The following DGAT2 variants were observed in gnomAD, a reference collection of about 807,000 sequenced individuals.
The protein encoded by DGAT2 is diacylglycerol O-acyltransferase 2.
DGAT2 carries 33 observed loss-of-function variants against 48.4 expected under a neutral mutation model. That is an observed-to-expected ratio of 0.68 (90% CI 0.52 to 0.91). DGAT2 has a LOEUF of 0.91. Ranked by LOEUF, DGAT2 falls within the 40% of genes least tolerant of loss-of-function variation. The pLI is 0.00. For synonymous variants in DGAT2, 191 were observed against 194.1 expected (o/e 0.98, Z 0.13); for missense variants, 446 against 493.7 (o/e 0.90, Z 0.92).
At chr11:75,778,760 G>A (rs1944828820) in intron 1 of DGAT2, among the ~76,000 whole-genome samples, 1 of 150,644 alleles carries the variant, frequency 6.6e-6, no homozygotes, top group Non-Finnish European at 1.5e-5. Flanking sequence ...AGTGAACCCT[G>A]GAGGCGGAGG....
chr11:75,788,959 TA>T (rs1431963657), intron 2 of DGAT2, among the ~76,000 whole-genome samples: 1 of 152,032 alleles, frequency 6.6e-6, no homozygotes, highest in Admixed American at 6.6e-5. Flanking sequence ...AAAGGTTGGG[TA>T]AAAAATGGAA....
At chr11:75,788,055 T>C (rs1265965797) in intron 2 of DGAT2, among the ~76,000 whole-genome samples, 6 of 152,154 alleles carry the variant, frequency 3.9e-5, no homozygotes, top group Non-Finnish European at 5.9e-5. Context: ...GGCCTGGAGC[T>C]CAGCCCCCTC....
At chr11:75,797,362 C>A in intron 6 of DGAT2, 30 bp downstream of exon 6, 1 of 1,411,032 alleles carries the variant, frequency 7.1e-7, no homozygotes, top group Middle Eastern at 2.3e-4. Context: ...CACACACACC[C>A]CTCCAGTGCC....
At chr11:75,778,374 A>G (rs1311247721) in intron 1 of DGAT2, among the ~76,000 whole-genome samples, 1 of 151,260 alleles carries the variant, frequency 6.6e-6, no homozygotes, top group Non-Finnish European at 1.5e-5. Context: ...CGCTACCATC[A>G]CTCTGCGACC....
intron 1 of DGAT2, among the ~76,000 whole-genome samples, chr11:75,781,365 A>G (rs889568068): frequency 3.9e-5 from 6 of 151,940 alleles, no homozygotes; most frequent in African/African-American, 1.5e-4. Context: ...GCCTCTGCCT[A>G]GAATATTTCT....
At chr11:75,772,420 G>A (rs1806427624) in intron 1 of DGAT2, among the ~76,000 whole-genome samples, 1 of 152,108 alleles carries the variant, frequency 6.6e-6, no homozygotes, top group African/African-American at 2.4e-5. Context: ...GACGCATGGT[G>A]GTCTTCCTGT....
At chr11:75,797,750 C>T (rs765488863) in intron 6 of DGAT2, among the ~76,000 whole-genome samples, 1 of 152,080 alleles carries the variant, frequency 6.6e-6, no homozygotes, top group Non-Finnish European at 1.5e-5. Flanking sequence ...GCAGGCTCAG[C>T]CCTGGGCCAG....
chr11:75,783,783 C>T (rs1446365934), intron 1 of DGAT2, among the ~76,000 whole-genome samples: 1 of 152,146 alleles, frequency 6.6e-6, no homozygotes, highest in Non-Finnish European at 1.5e-5. Flanking sequence ...CCCTACTGCC[C>T]ATCAGCTGCT....
intron 1 of DGAT2, chr11:75,773,886 G>C (rs2135757597): frequency 6.6e-6 from 1 of 152,406 alleles, no homozygotes; most frequent in Admixed American, 6.5e-5. Flanking sequence ...ATTCAGTCCG[G>C]ATCTGGAAAG....
At chr11:75,787,827 A>T (rs903610183) in intron 2 of DGAT2, among the ~76,000 whole-genome samples, 1 of 152,084 alleles carries the variant, frequency 6.6e-6, no homozygotes, top group Non-Finnish European at 1.5e-5. Context: ...CCAATGAGGG[A>T]GGCAGATGAT....
chr11:75,792,341 G>C (rs2135775833), intron 4 of DGAT2: 1 of 152,102 alleles, frequency 6.6e-6, no homozygotes, highest in South Asian at 2.1e-4. Flanking sequence ...GCAGGCTGGG[G>C]TGTTGAGCCT....
chr11:75,790,808 G>A, intron 4 of DGAT2, 77 bp downstream of exon 4: 5 of 1,473,480 alleles, frequency 3.4e-6, no homozygotes, highest in Non-Finnish European at 4.7e-6. Flanking sequence ...CCCACCCACA[G>A]GGAAGCAAGT....
chr11:75,769,261 C>T (rs1159413150), intron 1 of DGAT2, 149 bp downstream of exon 1: 2 of 1,023,586 alleles, frequency 2.0e-6, no homozygotes, highest in Non-Finnish European at 2.6e-6. Context: ...CGCTTTCCAC[C>T]CGCCCCCCAG....
chr11:75,786,116 C>T (rs1260126241), intron 2 of DGAT2, among the ~76,000 whole-genome samples: 1 of 152,186 alleles, frequency 6.6e-6, no homozygotes, highest in Non-Finnish European at 1.5e-5. Flanking sequence ...AGGGCCATAG[C>T]TGTCCTCAAA....
At chr11:75,774,780 G>T (rs1944789217) in intron 1 of DGAT2, among the ~76,000 whole-genome samples, 1 of 152,214 alleles carries the variant, frequency 6.6e-6, no homozygotes, top group Non-Finnish European at 1.5e-5. Context: ...TTGTGATGGG[G>T]ACGTATTTTG....
At chr11:75,779,470 C>G (rs540927686) in intron 1 of DGAT2, among the ~76,000 whole-genome samples, 2 of 152,342 alleles carry the variant, frequency 1.3e-5, no homozygotes, top group East Asian at 3.9e-4. Context: ...CAGTTTCCTT[C>G]TCTGTGAAAC....
chr11:75,774,544 T>G lies in DGAT2; in HGVS notation c.121+5432T>G, dbSNP rs575282685. On this transcript the variant is annotated intron_variant, in intron 1 of 7. Coordinates refer to ENST00000228027, the MANE Select transcript of DGAT2 (RefSeq NM_032564.5). ...ACTGCCTCTTAGGGCCTCAGCCTTCTCATCTGCACAGTGAGGAGGACTGGT... is the reference window on the plus strand; with the variant it reads ...ACTGCCTCTTAGGGCCTCAGCCTTCGCATCTGCACAGTGAGGAGGACTGGT... Among the ~76,000 whole-genome samples the G allele has an allele frequency of 2.6e-4, 40 of 152,344 alleles. No individual in the cohort carries two copies. The South Asian group carries it at 3.3e-3, about 13-fold the overall frequency.
chr11:75,796,126 C>A, intron 4 of DGAT2: 1 of 613,498 alleles, frequency 1.6e-6, no homozygotes, highest in Non-Finnish European at 2.9e-6. Context: ...TCCCAGAGAC[C>A]CACAGTGCAA....
intron 1 of DGAT2, among the ~76,000 whole-genome samples, chr11:75,783,304 G>A (rs1472225050): frequency 6.6e-6 from 1 of 152,184 alleles, no homozygotes; most frequent in African/African-American, 2.4e-5. Context: ...CCAGGGAAAG[G>A]GGCCATCTTG....
Sources: allele counts gnomAD v4.1 joint callset (sites outside exome capture counted in the v4.1 genomes callset), GRCh38; gene constraint gnomAD v4.1.1; transcripts MANE v1.5; gene names NCBI Gene and HGNC (gene_info 2026-07-23, HGNC 2026-07-21).